PRDM5: variants seen among roughly 807,000 people sequenced by gnomAD.
The protein encoded by PRDM5 is PR domain zinc finger protein 5.
Under a neutral mutation model 81.2 loss-of-function variants are expected in PRDM5, and 56 were observed. The ratio of observed to expected loss-of-function variants is 0.69; its 90% CI spans 0.56 to 0.86. PRDM5 has a LOEUF of 0.86. Among genes scored for constraint, PRDM5 ranks in the 40% least tolerant of loss-of-function variants. PRDM5 has a pLI of 0.00. For missense variants in PRDM5, 697 were observed against 770.1 expected (o/e 0.91, Z 1.12); for synonymous variants, 267 against 256.4 (o/e 1.04, Z -0.39).
At position 120,699,203 on chromosome 4, in the gene PRDM5, TA is replaced by T. The variant is rs1560890343; in HGVS notation, c.1729-3929del. On this transcript the variant is annotated intron_variant, in intron 15 of 15. Coordinates refer to ENST00000264808, the MANE Select transcript of PRDM5 (RefSeq NM_018699.4). ...ATATATATATATATATATATATATA[TA>T]TTTCAGATGTCTCCTTAATAATTTC... is the stretch of plus-strand genomic sequence containing the variant. Among the ~76,000 whole-genome samples, 436 of 78,838 alleles carry T rather than the reference TA, an allele frequency of 5.5e-3. 3 individuals carry two copies. Among genetic ancestry groups the T allele is most frequent in the Non-Finnish European group, 9.6e-3 (324 of 33,782 alleles). The allele number at this position is 78,838 out of a possible 152,430, so 51.7% of individuals were successfully genotyped here. A position where few individuals can be genotyped will look rare whatever the true frequency, so the allele number is the denominator to read the frequency against.
chr4:120,880,210 T>G (rs171069), intron 2 of PRDM5, among the ~76,000 whole-genome samples: 38,623 of 152,000 alleles, frequency 0.25, 5,655 homozygotes, highest in African/African-American at 0.39. Context: ...CACACACAAA[T>G]AATTAAACTG....
chr4:120,895,214 A>C (rs374469721), intron 2 of PRDM5, among the ~76,000 whole-genome samples: 1 of 152,246 alleles, frequency 6.6e-6, no homozygotes, highest in Non-Finnish European at 1.5e-5. Flanking sequence ...TCTTTCCCAC[A>C]GTGCAGGTTG....
intron 3 of PRDM5, among the ~76,000 whole-genome samples, chr4:120,845,317 C>A (rs1758533321): frequency 6.6e-6 from 1 of 152,192 alleles, no homozygotes. Flanking sequence ...GGAGAAGTGA[C>A]ACCTGGATTC....
intron 2 of PRDM5, among the ~76,000 whole-genome samples, chr4:120,893,501 T>C (rs576272784): frequency 1.3e-5 from 2 of 152,240 alleles, no homozygotes; most frequent in Non-Finnish European, 2.9e-5. Context: ...TTGCACTCTA[T>C]GACTCAGCAT....
At chr4:120,792,515 T>G (rs2149267461) in intron 10 of PRDM5, among the ~76,000 whole-genome samples, 1 of 152,278 alleles carries the variant, frequency 6.6e-6, no homozygotes, top group African/African-American at 2.4e-5. Flanking sequence ...TGGAAGTTTC[T>G]GAAAAAGTTA....
At chr4:120,819,274 C>T (rs1754952284) in intron 4 of PRDM5, among the ~76,000 whole-genome samples, 1 of 152,148 alleles carries the variant, frequency 6.6e-6, no homozygotes, top group Non-Finnish European at 1.5e-5. Context: ...TTAACATCTT[C>T]TCAAGTCAAA....
chr4:120,715,067 G>A (rs997036558), intron 14 of PRDM5, among the ~76,000 whole-genome samples: 3 of 152,104 alleles, frequency 2.0e-5, no homozygotes, highest in African/African-American at 7.2e-5. Context: ...AAGAATAAAA[G>A]TGGTATGGGA....
In PRDM5 at chr4:120,876,839, T is replaced by C. The variant is rs539857892; in HGVS notation, c.178-23299A>G. Reference sequence around the variant, plus strand: ...CTTTATTCTCTATTGCTATAGGAACTAGGATGTACTATGTTTTATATAACT... The same window carrying C: ...CTTTATTCTCTATTGCTATAGGAACCAGGATGTACTATGTTTTATATAACT... On this transcript the variant is annotated intron_variant, in intron 2 of 15. Transcript: ENST00000264808. 2.4e-4 allele frequency among the ~76,000 whole-genome samples: 37 copies of C among 152,276 alleles called. No homozygotes were observed. The South Asian group carries it at 7.5e-3, about 31-fold the overall frequency.
At position 120,727,400 on chromosome 4, in the gene PRDM5, T is replaced by C. The variant is rs554342382; in HGVS notation, c.1624-16987A>G. 2.0e-5 allele frequency among the ~76,000 whole-genome samples: 3 copies of C among 152,310 alleles called. No individual in the cohort carries two copies. In the South Asian group the frequency reaches 6.2e-4, roughly 32 times the overall value. ...TAAATGGAATTCAGTGTAATGCAGA[T>C]TGACACTAGTCCTGGGAAAGCCTCT... On this transcript the variant is annotated intron_variant, in intron 14 of 15. Transcript: ENST00000264808.
chr4:120,857,282 C>A (rs1041267011), intron 2 of PRDM5, among the ~76,000 whole-genome samples: 3 of 152,102 alleles, frequency 2.0e-5, no homozygotes, highest in African/African-American at 7.2e-5. Flanking sequence ...CACTTGAACC[C>A]GGGAGGCAGA....
intron 14 of PRDM5, among the ~76,000 whole-genome samples, chr4:120,741,452 G>C (rs1277916821): frequency 6.6e-6 from 1 of 151,668 alleles, no homozygotes; most frequent in Admixed American, 6.6e-5. Flanking sequence ...AACAGCTCTG[G>C]TCTACAGCTC....
intron 1 of PRDM5, among the ~76,000 whole-genome samples, chr4:120,913,946 G>C (rs1766793990): frequency 6.6e-6 from 1 of 152,216 alleles, no homozygotes; most frequent in Admixed American, 6.5e-5. Flanking sequence ...CCACTGAAGA[G>C]AGACCCATTT....
chr4:120,707,976 C>T (rs1303921210), intron 15 of PRDM5, among the ~76,000 whole-genome samples: 1 of 151,752 alleles, frequency 6.6e-6, no homozygotes, highest in South Asian at 2.1e-4. Context: ...TTCACACCCA[C>T]CAAGATGGAT....
intron 2 of PRDM5, among the ~76,000 whole-genome samples, chr4:120,855,302 T>C (rs1049424376): frequency 6.6e-6 from 1 of 152,220 alleles, no homozygotes; most frequent in African/African-American, 2.4e-5. Context: ...AATTTAATTT[T>C]TCATATTGTA....
At chr4:120,715,051 G>C (rs1737551178) in intron 14 of PRDM5, among the ~76,000 whole-genome samples, 1 of 152,092 alleles carries the variant, frequency 6.6e-6, no homozygotes, top group Admixed American at 6.6e-5. Context: ...AGCATTTCTA[G>C]AGTCCAAGAA....
intron 14 of PRDM5, among the ~76,000 whole-genome samples, chr4:120,735,815 C>T (rs539651981): frequency 3.3e-5 from 5 of 152,120 alleles, no homozygotes; most frequent in Non-Finnish European, 7.4e-5. Flanking sequence ...CTGAGGAGAA[C>T]CCAGGCTCAG....
intron 5 of PRDM5, among the ~76,000 whole-genome samples, chr4:120,817,715 C>A (rs1754723035): frequency 6.6e-6 from 1 of 152,106 alleles, no homozygotes; most frequent in Non-Finnish European, 1.5e-5. Context: ...TACCTACTTT[C>A]TCACTTTTAA....
chr4:120,744,004 T>C (rs1300246755), intron 14 of PRDM5, among the ~76,000 whole-genome samples: 1 of 151,996 alleles, frequency 6.6e-6, no homozygotes, highest in Non-Finnish European at 1.5e-5. Context: ...ACCACACCTA[T>C]TCCAAAATTG....
At chr4:120,832,404 T>C (rs1440030682) in intron 3 of PRDM5, among the ~76,000 whole-genome samples, 1 of 152,154 alleles carries the variant, frequency 6.6e-6, no homozygotes, top group Non-Finnish European at 1.5e-5. Context: ...ATGAGGATTA[T>C]GGGAACTACA....
Sources: gnomAD v4.1 joint callset for allele counts (sites outside exome capture counted in the v4.1 genomes callset) on GRCh38, gnomAD v4.1.1 for gene constraint, MANE v1.5 for transcripts, NCBI Gene and HGNC (gene_info 2026-07-23, HGNC 2026-07-21) for gene names.